Variants in SPOPL observed in about 807,000 individuals in gnomAD.
SPOPL encodes the protein speckle type BTB/POZ protein like.
Under a neutral mutation model 53.8 loss-of-function variants are expected in SPOPL, and 23 were observed. That is an observed-to-expected ratio of 0.43 (90% CI 0.31 to 0.61). The LOEUF (loss-of-function observed/expected upper bound fraction) is 0.61. Ranked by LOEUF, SPOPL falls within the 20% of genes least tolerant of loss-of-function variation. The pLI, the probability that SPOPL is intolerant of heterozygous loss-of-function variation, is 0.12. For synonymous variants in SPOPL, 164 were observed against 149.7 expected, an observed-to-expected ratio of 1.10 and a Z score of -0.70; for missense variants, 442 against 466.9, an observed-to-expected ratio of 0.95 and a Z score of 0.49.
Position 138,570,680 on chromosome 2 carries a change from T to G in SPOPL, c.*1600T>G, listed in dbSNP as rs1158764005. 6.6e-6 allele frequency: 1 copy of G among 152,212 alleles called. No homozygotes were observed. The highest frequency in any genetic ancestry group is 1.5e-5 in the Non-Finnish European group (1 of 68,024). 9.4% of individuals were successfully genotyped at this position (152,212 alleles called of 1,614,324 possible). On this transcript the variant is annotated 3_prime_UTR_variant, in exon 11 of 11. Coordinates refer to ENST00000280098, the MANE Select transcript of SPOPL (RefSeq NM_001001664.3). ...TTCAGATTAAAATTTGTATAATTTG[T>G]TTATTTAATGTTTGAATTCAGGACA...
In SPOPL at chr2:138,568,530, T is replaced by C. The variant is rs574747703; in HGVS notation, c.1035-406T>C. ...ACATCATTGAATTTCATAGTTAAAA[T>C]TGTGAAGAGTGGATGAGATAGAATT... On this transcript the variant is annotated intron_variant, in intron 10 of 10. Coordinates refer to ENST00000280098, the MANE Select transcript of SPOPL (RefSeq NM_001001664.3). 2.6e-5 allele frequency among the ~76,000 whole-genome samples: 4 copies of C among 152,192 alleles called. No individual in the cohort carries two copies. The South Asian group carries it at 8.3e-4, about 32-fold the overall frequency.
rs759402351 is a variant in SPOPL at position 138,555,169 on chromosome 2, T to TGTGTGC, written c.480+2489_480+2490insTGTGCG. The stretch of plus-strand genomic sequence containing the variant: ...GTGTGTGTGTGTGTGTGTGTGTGTG[T>TGTGTGC]GCGAGCCAGACTCGCTTTAATAAAC... On this transcript the variant is annotated intron_variant, in intron 5 of 10. Transcript: ENST00000280098. Among the ~76,000 whole-genome samples, 23 of 143,304 alleles carry TGTGTGC rather than the reference T, an allele frequency of 1.6e-4. No homozygotes were observed. In the South Asian group the frequency reaches 2.4e-3, roughly 15 times the overall value. 94.0% of individuals were successfully genotyped at this position (143,304 alleles called of 152,430 possible). A position where few individuals can be genotyped will look rare whatever the true frequency, so the allele number is the denominator to read the frequency against.
intron 1 of SPOPL, among the ~76,000 whole-genome samples, chr2:138,527,486 T>C (rs1452112870): frequency 1.3e-5 from 2 of 152,224 alleles, no homozygotes; most frequent in Non-Finnish European, 2.9e-5. Flanking sequence ...TATTATTATT[T>C]ATCTTGCACA....
chr2:138,566,235 G>T (rs991366048), intron 10 of SPOPL, among the ~76,000 whole-genome samples: 16 of 151,972 alleles, frequency 1.1e-4, no homozygotes, highest in African/African-American at 3.4e-4. Context: ...ATGCTAATAT[G>T]ATATCATTAT....
rs539254466 is a variant in SPOPL at position 138,535,555 on chromosome 2, CTTT to C, written c.-60-14586_-60-14584del. ...TTTTTTTTAATAGCCATTCTAGTAG[CTTT>C]TTTTTTTTTTTTTTTGGTCTTTTTC... On this transcript the variant is annotated intron_variant, in intron 1 of 10. Coordinates refer to ENST00000280098, the MANE Select transcript of SPOPL (RefSeq NM_001001664.3). 4.5e-3 allele frequency among the ~76,000 whole-genome samples: 390 copies of C among 86,938 alleles called. 2 individuals are homozygous for C. Among genetic ancestry groups the C allele is most frequent in the African/African-American group, 0.017 (364 of 21,416 alleles). The allele number at this position is 86,938 out of a possible 152,430, so 57.0% of individuals were successfully genotyped here.
At chr2:138,541,200 TTC>T (rs1466620132) in intron 1 of SPOPL, among the ~76,000 whole-genome samples, 2 of 152,194 alleles carry the variant, frequency 1.3e-5, no homozygotes, top group Admixed American at 1.3e-4. Flanking sequence ...TGGTCTAAAA[TTC>T]TCTTTTTTTG....
intron 1 of SPOPL, among the ~76,000 whole-genome samples, chr2:138,539,932 AGGAAAGGATC>A (rs1341309951): frequency 6.6e-6 from 1 of 152,180 alleles, no homozygotes; most frequent in Non-Finnish European, 1.5e-5. Context: ...ATAAGGTGTA[AGGAAAGGATC>A]TAGTTTCAGC....
intron 1 of SPOPL, among the ~76,000 whole-genome samples, chr2:138,529,498 CTGTGTGTGTGTGTGTG>C (rs58483992): frequency 1.5e-4 from 22 of 147,584 alleles, no homozygotes; most frequent in African/African-American, 4.6e-4. Context: ...ATGCATGTGC[CTGTGTGTGTGTGTGTG>C]TGTGTGTGTG....
intron 1 of SPOPL, among the ~76,000 whole-genome samples, chr2:138,511,474 CT>C: frequency 6.6e-6 from 1 of 152,182 alleles, no homozygotes; most frequent in East Asian, 1.9e-4. Context: ...TTGTAAAGCA[CT>C]TGTGTCAGAC....
At chr2:138,546,827 C>A (rs1685206419) in intron 1 of SPOPL, among the ~76,000 whole-genome samples, 1 of 152,206 alleles carries the variant, frequency 6.6e-6, no homozygotes, top group Non-Finnish European at 1.5e-5. Context: ...TATATAATAT[C>A]TTGTAAAGTG....
At chr2:138,534,989 A>T (rs1352977755) in intron 1 of SPOPL, among the ~76,000 whole-genome samples, 1 of 152,144 alleles carries the variant, frequency 6.6e-6, no homozygotes, top group Non-Finnish European at 1.5e-5. Flanking sequence ...AATGGCTCAC[A>T]CCTGTAATCT....
chr2:138,542,511 A>C (rs1685095388), intron 1 of SPOPL, among the ~76,000 whole-genome samples: 1 of 151,612 alleles, frequency 6.6e-6, no homozygotes, highest in Admixed American at 6.6e-5. Flanking sequence ...GTCTCTTTTG[A>C]TCTTTGTTGG....
intron 1 of SPOPL, among the ~76,000 whole-genome samples, chr2:138,548,575 G>A (rs1685247398): frequency 6.6e-6 from 1 of 151,930 alleles, no homozygotes; most frequent in African/African-American, 2.4e-5. Context: ...TAGGTAAAAA[G>A]TGGCTTTTTA....
rs1685807227 is a variant in SPOPL at position 138,572,437 on chromosome 2, T to C, written c.*3357T>C. On this transcript the variant is annotated 3_prime_UTR_variant, in exon 11 of 11. Transcript: ENST00000280098. ...AAATTTAAAATCTTAATCAGAATTC[T>C]TTATAAAATGTGGGTCATAGATATG... 1 of 152,232 alleles carries C rather than the reference T, an allele frequency of 6.6e-6. No homozygotes were observed. The highest frequency in any genetic ancestry group is 6.6e-5 in the Admixed American group (1 of 15,258). The allele number at this position is 152,232 out of a possible 1,614,324, so 9.4% of individuals were successfully genotyped here.
intron 1 of SPOPL, among the ~76,000 whole-genome samples, chr2:138,548,398 C>T (rs1685243933): frequency 6.6e-6 from 1 of 151,774 alleles, no homozygotes; most frequent in Non-Finnish European, 1.5e-5. Flanking sequence ...CATTTTTATA[C>T]TTTTAGAAAT....
At chr2:138,560,957 T>C in intron 8 of SPOPL, 30 bp downstream of exon 8, 1 of 1,592,534 alleles carries the variant, frequency 6.3e-7, no homozygotes. Flanking sequence ...GGAACCAAAA[T>C]ATACCCTCAA....
chr2:138,561,979 T>C (rs887863656), intron 8 of SPOPL, among the ~76,000 whole-genome samples: 2 of 152,108 alleles, frequency 1.3e-5, no homozygotes, highest in South Asian at 4.1e-4. Context: ...TCTCCCTGTT[T>C]CTACAATAAA....
chr2:138,540,382 G>A (rs573629865), intron 1 of SPOPL, among the ~76,000 whole-genome samples: 3 of 152,290 alleles, frequency 2.0e-5, no homozygotes, highest in Non-Finnish European at 4.4e-5. Flanking sequence ...CCATGAGCAT[G>A]GAATGTTCTT....
chr2:138,502,428 T>A (rs1056254186), intron 1 of SPOPL, among the ~76,000 whole-genome samples: 1 of 152,198 alleles, frequency 6.6e-6, no homozygotes, highest in Non-Finnish European at 1.5e-5. Context: ...GCCCCTTCTT[T>A]TCCTCTGGCT....
Sources: gnomAD v4.1 joint callset for allele counts (sites outside exome capture counted in the v4.1 genomes callset) on GRCh38, gnomAD v4.1.1 for gene constraint, MANE v1.5 for transcripts, NCBI Gene and HGNC (gene_info 2026-07-23, HGNC 2026-07-21) for gene names.